Variants in AGA observed in about 807,000 individuals in gnomAD.
The protein encoded by AGA is N(4)-(beta-N-acetylglucosaminyl)-L-asparaginase.
AGA carries 31 observed loss-of-function variants against 40.1 expected under a neutral mutation model. The ratio of observed to expected loss-of-function variants is 0.77; its 90% CI spans 0.58 to 1.04. AGA has a LOEUF of 1.04. AGA is among the 50% of genes least tolerant of loss of function. The pLI is 0.00. For synonymous variants in AGA, 148 were observed against 144.0 expected (o/e 1.03, Z -0.20); for missense variants, 445 against 435.4 (o/e 1.02, Z -0.20).
intron 2 of AGA, chr4:177,439,954 G>T: frequency 1.7e-6 from 1 of 583,334 alleles, no homozygotes; most frequent in Non-Finnish European, 3.0e-6. Flanking sequence ...CTTTTGAAAG[G>T]GGCCTGAAGG....
intron 8 of AGA, among the ~76,000 whole-genome samples, chr4:177,432,623 C>T (rs545313287): frequency 6.6e-6 from 1 of 152,134 alleles, no homozygotes; most frequent in Non-Finnish European, 1.5e-5. Flanking sequence ...GATCAGTAAG[C>T]TGTGTATCTT....
intron 6 of AGA, among the ~76,000 whole-genome samples, chr4:177,435,681 C>T (rs1228510914): frequency 1.3e-5 from 2 of 152,018 alleles, no homozygotes; most frequent in Non-Finnish European, 2.9e-5. Context: ...TCCAATACCA[C>T]TTCCCCTACC....
intron 8 of AGA, 69 bp downstream of exon 8, chr4:177,433,145 T>A (rs980284293): frequency 1.9e-6 from 3 of 1,599,592 alleles, no homozygotes; most frequent in Admixed American, 3.3e-5. Context: ...TACAAAACAA[T>A]ATTTAAAAAG....
At chr4:177,441,721 C>T (rs1307202900) in intron 1 of AGA, among the ~76,000 whole-genome samples, 2 of 152,044 alleles carry the variant, frequency 1.3e-5, no homozygotes, top group African/African-American at 2.4e-5. Flanking sequence ...TGAGAAGCTC[C>T]CCAGATAGTG....
At chr4:177,440,878 A>T (rs1416220343) in intron 1 of AGA, among the ~76,000 whole-genome samples, 3 of 152,226 alleles carry the variant, frequency 2.0e-5, no homozygotes, top group African/African-American at 7.2e-5. Flanking sequence ...AGTCTTAATA[A>T]TACTGAACAG....
chr4:177,436,183 T>C, intron 6 of AGA, 93 bp downstream of exon 6: 1 of 1,010,634 alleles, frequency 9.9e-7, no homozygotes, highest in East Asian at 2.4e-5. Flanking sequence ...GCTGTGAGAC[T>C]AGGGCTGTGC....
intron 5 of AGA, chr4:177,437,021 T>C (rs1736845214): frequency 4.1e-6 from 1 of 245,150 alleles, no homozygotes; most frequent in African/African-American, 2.3e-5. Context: ...AACTTTTGTT[T>C]ATAAATTACC....
At chr4:177,437,559 T>A (rs1736865361) in intron 4 of AGA, 40 bp from the exon 5 acceptor site, 1 of 1,435,546 alleles carries the variant, frequency 7.0e-7, no homozygotes. Flanking sequence ...ACAAAGGGTA[T>A]TTTTAGAAAT....
intron 1 of AGA, 74 bp from the exon 2 acceptor site, chr4:177,440,500 C>G (rs992178203): frequency 3.3e-6 from 5 of 1,500,270 alleles, no homozygotes; most frequent in Middle Eastern, 4.8e-4. Context: ...CAAACCAACT[C>G]CAATTTAACA....
intron 6 of AGA, among the ~76,000 whole-genome samples, chr4:177,435,870 CA>C (rs2111012380): frequency 6.6e-6 from 1 of 151,960 alleles, no homozygotes; most frequent in African/African-American, 2.4e-5. Flanking sequence ...CACACACACA[CA>C]CACCCCTTCT....
At chr4:177,440,213 G>T (rs1430508160) in intron 2 of AGA, 60 bp downstream of exon 2, 2 of 1,596,114 alleles carry the variant, frequency 1.3e-6, no homozygotes, top group African/African-American at 1.3e-5. Flanking sequence ...CTTGCTCTCA[G>T]AAGACCACAA....
At chr4:177,440,086 T>C (rs1358012435) in intron 2 of AGA, 187 bp downstream of exon 2, 1 of 678,440 alleles carries the variant, frequency 1.5e-6, no homozygotes, top group African/African-American at 1.8e-5. Context: ...TCTCTCCATG[T>C]GATATTTCTA....
chr4:177,438,699 G>C lies in AGA; in HGVS notation c.507+46C>G, dbSNP rs1206756369. On this transcript the variant is annotated intron_variant, in intron 4 of 8. Transcript: ENST00000264595. ...AACACTGAGCAGAAAGGATGTCACTGAATATTTTCAATTAACTTATTTTTT... is the reference window on the plus strand; with the variant it reads ...AACACTGAGCAGAAAGGATGTCACTCAATATTTTCAATTAACTTATTTTTT... 2.1e-5 allele frequency: 27 copies of C among 1,294,350 alleles called. No individual in the cohort carries two copies. In the East Asian group the frequency reaches 6.4e-4, roughly 31 times the overall value. The allele number at this position is 1,294,350 out of a possible 1,614,324, so 80.2% of individuals were successfully genotyped here.
Position 177,438,817 on chromosome 4 carries a change from G to A in AGA, c.435C>T (p.Asp145=), listed in dbSNP as rs199682344. The A allele has an allele frequency of 6.2e-7, 1 of 1,610,130 alleles. No homozygotes were observed. The highest frequency in any genetic ancestry group is 8.5e-7 in the Non-Finnish European group (1 of 1,176,470). The part of the protein sequence containing the change: ...FAQSMGFINE[D]LSTTASQALH... Reference sequence around the variant, plus strand: ...GAGCTTGAGAAGCAGTGGTAGATAAGTCTTCATTGATAAACCCCATACTTT... The same window carrying A: ...GAGCTTGAGAAGCAGTGGTAGATAAATCTTCATTGATAAACCCCATACTTT... The change falls in exon 4 of 9, where the codon GAC becomes GAT. Residue 145 remains aspartate (D), a synonymous_variant. Coordinates refer to ENST00000264595, the MANE Select transcript of AGA (RefSeq NM_000027.4).
rs1165678034 is a variant in AGA, at chr4:177,442,430, G to C, written c.-55C>G. The stretch of plus-strand genomic sequence containing the variant: ...AAAGTCCCGGCAGCCAGCGATCGCC[G>C]AACAATTAATCCCCAGTGCCCCGCC... On this transcript the variant is annotated 5_prime_UTR_variant, in exon 1 of 9. Coordinates refer to ENST00000264595, the MANE Select transcript of AGA (RefSeq NM_000027.4). 1 of 1,611,978 alleles carries C rather than the reference G, an allele frequency of 6.2e-7. No homozygotes were observed. The highest frequency in any genetic ancestry group is 1.1e-5 in the South Asian group (1 of 90,952).
At chr4:177,432,846 T>C (rs1736673399) in intron 8 of AGA, among the ~76,000 whole-genome samples, 1 of 152,196 alleles carries the variant, frequency 6.6e-6, no homozygotes, top group African/African-American at 2.4e-5. Context: ...ATTTAAATAA[T>C]GAATAGAAAA....
intron 7 of AGA, 54 bp downstream of exon 7, chr4:177,434,323 TAAAAG>T (rs1736726508): frequency 5.9e-6 from 9 of 1,526,046 alleles, no homozygotes; most frequent in Admixed American, 1.7e-5. Context: ...TTTTCTATCT[TAAAAG>T]AAAAAAATAT....
At chr4:177,442,123 C>T (rs769296796) in intron 1 of AGA, 126 bp downstream of exon 1, 3 of 1,419,760 alleles carry the variant, frequency 2.1e-6, no homozygotes, top group Non-Finnish European at 2.9e-6. Context: ...AGGGCGGGAC[C>T]GCGAGGCCCG....
intron 5 of AGA, among the ~76,000 whole-genome samples, chr4:177,436,755 A>G (rs1032986973): frequency 2.6e-5 from 4 of 152,240 alleles, no homozygotes; most frequent in Non-Finnish European, 4.4e-5. Context: ...TAAGCCATCC[A>G]GTCTGGGTAT....
Sources: allele counts gnomAD v4.1 joint callset (sites outside exome capture counted in the v4.1 genomes callset), GRCh38; gene constraint gnomAD v4.1.1; transcripts MANE v1.5; gene names NCBI Gene and HGNC (gene_info 2026-07-23, HGNC 2026-07-21).